Variants in VOPP1 observed in about 807,000 individuals in gnomAD.
The protein encoded by VOPP1 is WW domain binding protein VOPP1.
VOPP1 carries 8 observed loss-of-function variants against 23.5 expected under a neutral mutation model. That is an observed-to-expected ratio of 0.34 (90% confidence interval 0.20 to 0.61). VOPP1 has a LOEUF of 0.61. Ranked by LOEUF, VOPP1 falls within the 20% of genes least tolerant of loss-of-function variation. VOPP1 has a pLI of 0.78. For synonymous variants in VOPP1, 83 were observed against 97.3 expected, an observed-to-expected ratio of 0.85 and a Z score of 0.86; for missense variants, 174 against 238.1, an observed-to-expected ratio of 0.73 and a Z score of 1.77.
At chr7:55,483,823 A>T (rs530883821) in intron 4 of VOPP1, among the ~76,000 whole-genome samples, 200 of 152,256 alleles carry the variant, frequency 1.3e-3, no homozygotes, top group African/African-American at 4.4e-3. Context: ...CAACAGTGCG[A>T]TCAGATCATT....
intron 4 of VOPP1, among the ~76,000 whole-genome samples, chr7:55,484,552 G>A (rs1011757520): frequency 4.6e-5 from 7 of 152,154 alleles, no homozygotes; most frequent in East Asian, 3.9e-4. Flanking sequence ...GAGATTATTC[G>A]CACGGGGTGA....
chr7:55,465,555 G>A (rs1018172179), intron 4 of VOPP1, among the ~76,000 whole-genome samples: 2 of 152,236 alleles, frequency 1.3e-5, no homozygotes, highest in Non-Finnish European at 2.9e-5. Context: ...AAAAGCTTGG[G>A]TGGGAGCTTA....
chr7:55,452,177 G>A (rs1791261323), intron 4 of VOPP1, among the ~76,000 whole-genome samples: 1 of 152,188 alleles, frequency 6.6e-6, no homozygotes, highest in African/African-American at 2.4e-5. Flanking sequence ...TTTAGTAGGA[G>A]TAGATTCCAT....
intron 2 of VOPP1, among the ~76,000 whole-genome samples, chr7:55,508,480 C>T (rs534867953): frequency 6.6e-6 from 1 of 152,308 alleles, no homozygotes; most frequent in South Asian, 2.1e-4. Context: ...TGTTGCCAGG[C>T]TGGTCTCTAA....
chr7:55,502,448 C>T (rs1366279041), intron 2 of VOPP1, among the ~76,000 whole-genome samples: 1 of 152,248 alleles, frequency 6.6e-6, no homozygotes, highest in Admixed American at 6.5e-5. Context: ...GACCCATTCA[C>T]TCTCCGCATT....
At chr7:55,450,602 A>AT (rs560188653) in intron 4 of VOPP1, among the ~76,000 whole-genome samples, 1,793 of 152,330 alleles carry the variant, frequency 0.012, 13 homozygotes, top group Admixed American at 0.021. Context: ...CATTAAAATA[A>AT]TTTTTTTGAT....
At chr7:55,567,044 T>C (rs1798185681) in intron 1 of VOPP1, among the ~76,000 whole-genome samples, 1 of 152,222 alleles carries the variant, frequency 6.6e-6, no homozygotes, top group African/African-American at 2.4e-5. Flanking sequence ...CAAAAGTTGA[T>C]ACTTTGTCTT....
At chr7:55,464,878 A>G (rs1471019908) in intron 4 of VOPP1, among the ~76,000 whole-genome samples, 1 of 152,176 alleles carries the variant, frequency 6.6e-6, no homozygotes, top group Non-Finnish European at 1.5e-5. Context: ...GGAGGACTTG[A>G]GGATGCTCCT....
At chr7:55,516,147 C>T (rs1795395229) in intron 2 of VOPP1, 1 of 374,054 alleles carries the variant, frequency 2.7e-6, no homozygotes. Flanking sequence ...AAGCCCTGAA[C>T]CAAAGCACAG....
At chr7:55,474,617 G>T (rs1792095519) in intron 4 of VOPP1, among the ~76,000 whole-genome samples, 1 of 152,226 alleles carries the variant, frequency 6.6e-6, no homozygotes, top group South Asian at 2.1e-4. Flanking sequence ...CAGGGGCTCT[G>T]CAAGAATTAG....
At chr7:55,457,668 G>A (rs1217851947) in intron 4 of VOPP1, among the ~76,000 whole-genome samples, 1 of 151,918 alleles carries the variant, frequency 6.6e-6, no homozygotes, top group Non-Finnish European at 1.5e-5. Context: ...GGGGTAAGGT[G>A]ATATCTCATT....
chr7:55,496,755 A>C (rs1793981902), intron 3 of VOPP1, among the ~76,000 whole-genome samples: 1 of 152,252 alleles, frequency 6.6e-6, no homozygotes, highest in Admixed American at 6.5e-5. Context: ...GGCTGCTGTC[A>C]CATGCTCAGT....
intron 1 of VOPP1, chr7:55,526,741 A>G (rs1471858702): frequency 2.0e-5 from 3 of 152,236 alleles, no homozygotes; most frequent in African/African-American, 4.8e-5. Context: ...TGACCTCTGG[A>G]AAGTAAGGAT....
Position 55,471,731 on chromosome 7 carries a change from G to A in VOPP1, c.*1124C>T, listed in dbSNP as rs1791834045. ...ACCACTTCTTCTTTATTCTAATTATGACAACATGGTCAGTGCAGTTGAGTC... is the reference window on the plus strand; with the variant it reads ...ACCACTTCTTCTTTATTCTAATTATAACAACATGGTCAGTGCAGTTGAGTC... On this transcript the variant is annotated 3_prime_UTR_variant, in exon 5 of 5. Coordinates refer to ENST00000285279, the MANE Select transcript of VOPP1 (RefSeq NM_030796.5). The A allele has an allele frequency of 6.6e-6, 1 of 151,834 alleles. No homozygotes were observed. Among genetic ancestry groups the A allele is most frequent in the African/African-American group, 2.4e-5 (1 of 41,248 alleles). The allele number at this position is 151,834 out of a possible 1,614,324, so 9.4% of individuals were successfully genotyped here.
At chr7:55,524,813 G>A (rs946481892) in intron 1 of VOPP1, among the ~76,000 whole-genome samples, 1 of 152,104 alleles carries the variant, frequency 6.6e-6, no homozygotes, top group Non-Finnish European at 1.5e-5. Flanking sequence ...TGAGAGCCGG[G>A]TGCTGCCAAG....
intron 2 of VOPP1, among the ~76,000 whole-genome samples, chr7:55,503,942 T>C (rs1794538523): frequency 6.6e-6 from 1 of 152,228 alleles, no homozygotes. Context: ...AGTAATTGTA[T>C]TTAAAAGGAT....
At chr7:55,478,262 A>C (rs1167233654) in intron 4 of VOPP1, among the ~76,000 whole-genome samples, 1 of 152,254 alleles carries the variant, frequency 6.6e-6, no homozygotes, top group African/African-American at 2.4e-5. Flanking sequence ...AAAGCACCTT[A>C]AAGTCATAAC....
chr7:55,551,964 T>C (rs1797624961), intron 1 of VOPP1, among the ~76,000 whole-genome samples: 1 of 137,566 alleles, frequency 7.3e-6, no homozygotes, highest in African/African-American at 2.8e-5. Context: ...CGCTTGAACC[T>C]AGGAGGCAGA....
chr7:55,571,905 AC>A, intron 1 of VOPP1: 1 of 193,372 alleles, frequency 5.2e-6, no homozygotes, highest in Non-Finnish European at 1.1e-5. Context: ...CCCGAGGACC[AC>A]CCCCGCCCAA....
Sources: gnomAD v4.1 joint callset for allele counts (sites outside exome capture counted in the v4.1 genomes callset) on GRCh38, gnomAD v4.1.1 for gene constraint, MANE v1.5 for transcripts, NCBI Gene and HGNC (gene_info 2026-07-23, HGNC 2026-07-21) for gene names.